The following MACF1 variants were observed in gnomAD, a reference collection of about 807,000 sequenced individuals.
The protein encoded by MACF1 is microtubule-actin cross-linking factor 1.
In MACF1, 193 loss-of-function variants were observed where a neutral mutation model predicts 854.8. That is an observed-to-expected ratio of 0.23 (90% confidence interval 0.20 to 0.25). The LOEUF is 0.25. MACF1 is among the 10% of genes least tolerant of loss of function. MACF1 has a pLI of 1.00. For missense variants in MACF1, 7,722 were observed against 8,929.1 expected, an observed-to-expected ratio of 0.86 and a Z score of 5.45; for synonymous variants, 3,185 against 3,226.7, an observed-to-expected ratio of 0.99 and a Z score of 0.44.
intron 2 of MACF1, among the ~76,000 whole-genome samples, chr1:39,135,145 T>A (rs1030596162): frequency 3.9e-5 from 6 of 152,228 alleles, no homozygotes; most frequent in South Asian, 4.1e-4. Flanking sequence ...CTAAATAATA[T>A]TCCATTTATG....
At chr1:39,372,425 C>A (rs779786202) in intron 51 of MACF1, 54 bp from the exon 52 acceptor site, 2 of 981,510 alleles carry the variant, frequency 2.0e-6, no homozygotes, top group Non-Finnish European at 3.3e-6. Context: ...GATGTCCCTA[C>A]TTATGAGGAA....
At position 39,442,260 on chromosome 1, in the gene MACF1, A is replaced by T. The variant is rs1464400572; in HGVS notation, c.18888A>T (p.Glu6296Asp). ...AGACGGACAGAGACATTATACGAGA[A>T]CCACTGACAGAACTCAAACACCTCT... ...TDETDRDIIREPLTELKHLWE... is the reference protein window; with the variant it reads ...TDETDRDIIRDPLTELKHLWE... Residue 6296 changes from glutamate (E) to aspartate (D), a missense_variant, in exon 76 of 101, where the codon GAA becomes GAT. Physicochemically the swap from Glu to Asp is conservative, Grantham distance 45. Coordinates refer to ENST00000564288, the MANE Select transcript of MACF1 (RefSeq NM_001394062.1). 1 of 1,609,852 alleles carries T rather than the reference A, an allele frequency of 6.2e-7. No individual in the cohort carries two copies.
rs151135063 is a variant in MACF1 at position 39,454,633 on chromosome 1, C to T, written c.20887-276C>T. 1.4e-3 allele frequency among the ~76,000 whole-genome samples: 215 copies of T among 152,180 alleles called. 1 individual carries two copies. Among genetic ancestry groups the T allele is most frequent in the African/African-American group, 4.6e-3 (192 of 41,518 alleles). ...CTGGGCAACATGGTGAAACCCATCTCTACTAAAATACAAAAAATTAGCTGG... is the reference window on the plus strand; with the variant it reads ...CTGGGCAACATGGTGAAACCCATCTTTACTAAAATACAAAAAATTAGCTGG... On this transcript the variant is annotated intron_variant, in intron 88 of 100. Transcript: ENST00000564288.
Position 39,233,808 on chromosome 1 carries a change from T to TTTTTTTTTTTTTTTTTTA in MACF1, c.171+2565_171+2566insTTTTTTTTTTTTTTTTTA, listed in dbSNP as rs755591226. On this transcript the variant is annotated intron_variant, in intron 2 of 100. Transcript: ENST00000564288. ...TTTTTTTTTTTTTTTATTTATTTTT[T>TTTTTTTTTTTTTTTTTTA]ATTGATAATTCTTGGGTGTTTCTCA... 4.6e-5 allele frequency among the ~76,000 whole-genome samples: 3 copies of TTTTTTTTTTTTTTTTTTA among 65,770 alleles called. 1 individual carries two copies. Among genetic ancestry groups the TTTTTTTTTTTTTTTTTTA allele is most frequent in the Non-Finnish European group, 1.0e-4 (3 of 30,150 alleles). 43.1% of individuals were successfully genotyped at this position (65,770 alleles called of 152,430 possible).
Position 39,123,717 on chromosome 1 carries a change from G to GTTTTT in MACF1, c.220+39295_220+39299dup, listed in dbSNP as rs1170430073. Among the ~76,000 whole-genome samples, 344 of 100,446 alleles carry GTTTTT rather than the reference G, an allele frequency of 3.4e-3. 1 individual carries two copies. The highest frequency in any genetic ancestry group is 1.0e-2 in the African/African-American group (232 of 23,220). 65.9% of individuals were successfully genotyped at this position (100,446 alleles called of 152,430 possible). On this transcript the variant is annotated intron_variant, in intron 2 of 93. Coordinates refer to the MACF1 transcript ENST00000361689. ...ACCATGCCCGGCTAATTCTTGTTTT[G>GTTTTT]TTTTTTTTTTTTTTTTTTTTGTCCG...
intron 96 of MACF1, among the ~76,000 whole-genome samples, chr1:39,469,109 C>G (rs1644725773): frequency 6.6e-6 from 1 of 152,154 alleles, no homozygotes; most frequent in East Asian, 1.9e-4. Context: ...GGCTGATACT[C>G]AGGGAGAGTG....
At chr1:39,386,196 A>G (rs1044743118) in intron 57 of MACF1, among the ~76,000 whole-genome samples, 5 of 151,964 alleles carry the variant, frequency 3.3e-5, no homozygotes, top group African/African-American at 1.2e-4. Context: ...ATTCATCCCC[A>G]TAGATGTACT....
chr1:39,353,166 A>T lies in MACF1; in HGVS notation c.11359A>T (p.Thr3787Ser), dbSNP rs765228680. 1 of 1,613,736 alleles carries T rather than the reference A, an allele frequency of 6.2e-7. No individual in the cohort carries two copies. The highest frequency in any genetic ancestry group is 1.7e-5 in the Admixed American group (1 of 60,018). The change falls in exon 44 of 101, where the codon ACT (threonine) becomes TCT (serine). Residue 3787 changes from threonine (T) to serine (S), a missense_variant. Around this residue, in one of 15 missense-constraint regions of MACF1, gnomAD observed 2,807 missense variants for 3,235.8 expected, o/e 0.87. Transcript: ENST00000564288. Reference protein sequence around the residue: ...ASLEKGALDTTDGYMGVNQAP... With the variant: ...ASLEKGALDTSDGYMGVNQAP... ...CTTGGAGAAAGGAGCCTTGGACACC[A>T]CTGATGGTTACATGGGGGTGAATCA... is the stretch of plus-strand genomic sequence containing the variant.
At chr1:39,295,979 C>A in intron 20 of MACF1, 97 bp downstream of exon 20, 2 of 1,031,072 alleles carry the variant, frequency 1.9e-6, no homozygotes, top group Non-Finnish European at 2.8e-6. Context: ...GTTGTATAAA[C>A]CACCACCTTA....
chr1:39,249,987 ATCTG>A, intron 2 of MACF1, 23 bp from the exon 3 acceptor site: 1 of 1,354,282 alleles, frequency 7.4e-7, no homozygotes, highest in Non-Finnish European at 1.1e-6. Flanking sequence ...TCAAATAAAA[ATCTG>A]TCTGTTTCAC....
In MACF1 at chr1:39,105,631, G is replaced by T; in HGVS notation, c.220+21193G>T. 3 of 1,230,884 alleles carry T rather than the reference G, an allele frequency of 2.4e-6. No individual in the cohort carries two copies. Among genetic ancestry groups the T allele is most frequent in the Non-Finnish European group, 3.1e-6 (3 of 959,928 alleles). The allele number at this position is 1,230,884 out of a possible 1,614,324, so 76.2% of individuals were successfully genotyped here. ...AAGGCGGTGCGGGCGGCCATGGCCG[G>T]CTACGTGCCGGGTCAGCAGCCGGCC... On this transcript the variant is annotated intron_variant, in intron 2 of 93. Coordinates refer to the MACF1 transcript ENST00000361689. This position sits in a 1 kb window ranked among gnomAD's most constrained non-coding sequence, Gnocchi z 5.9.
At chr1:39,433,520 G>A (rs1180096528) in intron 68 of MACF1, among the ~76,000 whole-genome samples, 10 of 152,094 alleles carry the variant, frequency 6.6e-5, no homozygotes, top group Admixed American at 3.3e-4. Context: ...CTAAAAGGTC[G>A]TACCTAGTTT....
intron 35 of MACF1, 67 bp downstream of exon 35, chr1:39,324,801 C>A: frequency 2.5e-6 from 3 of 1,200,756 alleles, no homozygotes; most frequent in Non-Finnish European, 3.7e-6. Context: ...AACTTACAGC[C>A]ATAATGAGAT....
rs112897114 is a variant in MACF1 at position 39,459,098 on chromosome 1, G to A, written c.21209G>A (p.Ser7070Asn). Residue 7070 changes from serine (S) to asparagine (N), a missense_variant, in exon 91 of 101, where the codon AGT becomes AAT. Physicochemically the swap from Ser to Asn is conservative, Grantham distance 46. This residue lies in a region of MACF1 where 729 missense variants were observed against 900.5 expected (regional missense o/e 0.81). Transcript: ENST00000564288. ...KSRSGGRKSLSQPTPPPMPIL... is the reference protein window; with the variant it reads ...KSRSGGRKSLNQPTPPPMPIL... ...TTTTTCCTTTTAGGGAAATCCCTAA[G>A]TCAGCCAACCCCTCCTCCCATGCCA... 165 of 1,612,074 alleles carry A rather than the reference G, an allele frequency of 1.0e-4. No individual in the cohort carries two copies. The African/African-American group carries it at 1.5e-3, about 15-fold the overall frequency.
rs1238680268 is a variant in MACF1, at chr1:39,319,720, T to C, written c.4002T>C (p.Phe1334=). The C allele has an allele frequency of 2.5e-6, 4 of 1,613,828 alleles. No homozygotes were observed. Among genetic ancestry groups the C allele is most frequent in the South Asian group, 2.2e-5 (2 of 91,038 alleles). ...NQTKLDQCQK[F]SQQYSTIVKD... ...CAAAACTGGATCAATGTCAAAAATT[T>C]TCCCAGCAGTACTCTACTATTGTAA... Residue 1334 remains phenylalanine (F), a synonymous_variant, in exon 31 of 101, where the codon TTT becomes TTC. Transcript: ENST00000564288.
intron 2 of MACF1, among the ~76,000 whole-genome samples, chr1:39,102,185 G>GA (rs1642101779): frequency 1.3e-5 from 1 of 79,066 alleles, no homozygotes; most frequent in South Asian, 5.5e-4. Context: ...AAAAAAAGAA[G>GA]AAAAAGAAAG....
intron 58 of MACF1, among the ~76,000 whole-genome samples, chr1:39,407,993 G>A (rs527912809): frequency 3.3e-5 from 5 of 152,188 alleles, no homozygotes; most frequent in Non-Finnish European, 7.3e-5. Context: ...CAGTCACCAG[G>A]TGACCAAGTG....
intron 12 of MACF1, 28 bp downstream of exon 12, chr1:39,285,238 A>T (rs1476989643): frequency 1.2e-6 from 2 of 1,614,174 alleles, no homozygotes; most frequent in Non-Finnish European, 1.7e-6. Flanking sequence ...GAGTGGTCTG[A>T]CATTATTTAT....
chr1:39,432,299 T>C (rs563228522), intron 66 of MACF1, among the ~76,000 whole-genome samples: 1 of 152,340 alleles, frequency 6.6e-6, no homozygotes, highest in South Asian at 2.1e-4. Flanking sequence ...ATCTGTTATT[T>C]CTAGCTGTAG....
Sources: allele counts gnomAD v4.1 joint callset (sites outside exome capture counted in the v4.1 genomes callset), GRCh38; gene constraint gnomAD v4.1.1; regional missense constraint gnomAD v4.1.1; non-coding constraint Gnocchi (gnomAD v3.1); transcripts MANE v1.5; gene names NCBI Gene and HGNC (gene_info 2026-07-23, HGNC 2026-07-21).